Variants in RB1 observed in about 807,000 individuals in gnomAD.
RB1 encodes retinoblastoma-associated protein.
Under a neutral mutation model 135.4 loss-of-function variants are expected in RB1, and 18 were observed. The observed-to-expected ratio is 0.13, with a 90% CI of 0.09 to 0.20. RB1 has a LOEUF of 0.20. Ranked by LOEUF, RB1 falls within the 10% of genes least tolerant of loss-of-function variation. The pLI is 1.00. For synonymous variants in RB1, 365 were observed against 373.2 expected, an observed-to-expected ratio of 0.98 and a Z score of 0.25; for missense variants, 868 against 1,110.0, an observed-to-expected ratio of 0.78 and a Z score of 3.10.
At chr13:48,436,557 C>T (rs990986000) in intron 17 of RB1, among the ~76,000 whole-genome samples, 4 of 151,984 alleles carry the variant, frequency 2.6e-5, no homozygotes, top group Non-Finnish European at 1.5e-5. Context: ...GCAGGAGAAT[C>T]GCTTGAACCC....
At chr13:48,396,573 G>A (rs1345482351) in intron 17 of RB1, among the ~76,000 whole-genome samples, 4 of 152,142 alleles carry the variant, frequency 2.6e-5, no homozygotes, top group Non-Finnish European at 5.9e-5. Flanking sequence ...ATACCATTCA[G>A]GACATAGGCA....
chr13:48,419,645 C>A (rs1364129529), intron 17 of RB1, among the ~76,000 whole-genome samples: 2 of 151,748 alleles, frequency 1.3e-5, no homozygotes, highest in Non-Finnish European at 2.9e-5. Flanking sequence ...ACTAGCCAGG[C>A]TAATAAAGAA....
rs532608118 is a variant in RB1 at position 48,412,801 on chromosome 13, T to C, written c.1695+31358T>C. 4.9e-5 allele frequency: 13 copies of C among 263,016 alleles called. No homozygotes were observed. In the East Asian group the frequency reaches 1.4e-3, roughly 28 times the overall value. The allele number at this position is 263,016 out of a possible 1,614,324, so 16.3% of individuals were successfully genotyped here. On this transcript the variant is annotated intron_variant, in intron 17 of 26. Transcript: ENST00000267163. ...TGAAACCACTTGTCTTCTAAACTTG[T>C]ATTTCAGTAGTCAAGATGAATACTC...
intron 17 of RB1, among the ~76,000 whole-genome samples, chr13:48,389,405 G>A (rs1948595164): frequency 6.6e-6 from 1 of 152,008 alleles, no homozygotes; most frequent in Admixed American, 6.6e-5. Context: ...TTTATCAAAA[G>A]TTTTGCCTGT....
At position 48,481,464 on chromosome 13, in the gene RB1, T is replaced by C. The variant is rs1274878430; in HGVS notation, c.*1393T>C. The C allele has an allele frequency of 4.3e-6, 1 of 231,014 alleles. No individual in the cohort carries two copies. The highest frequency in any genetic ancestry group is 8.6e-6 in the Non-Finnish European group (1 of 116,752). 14.3% of individuals were successfully genotyped at this position (231,014 alleles called of 1,614,324 possible). A position where few individuals can be genotyped will look rare whatever the true frequency, so the allele number is the denominator to read the frequency against. On this transcript the variant is annotated 3_prime_UTR_variant, in exon 27 of 27. Transcript: ENST00000267163. ...TAGCTTCAGCTAGCTTTTAGGAAAATCACTTTGTCTAACTCAGAATTATTT... is the reference window on the plus strand; with the variant it reads ...TAGCTTCAGCTAGCTTTTAGGAAAACCACTTTGTCTAACTCAGAATTATTT...
chr13:48,465,235 C>T lies in RB1; in HGVS notation c.2356C>T (p.Pro786Ser), dbSNP rs754507551. 2.5e-4 allele frequency: 399 copies of T among 1,613,760 alleles called. No homozygotes were observed. Among genetic ancestry groups the T allele is most frequent in the Non-Finnish European group, 3.3e-4 (388 of 1,179,890 alleles). Residue 786 changes from proline to serine, a missense_variant, in exon 23 of 27, where the codon CCT (proline) becomes TCT (serine). This residue lies in a region of RB1 where 196 missense variants were observed against 239.8 expected (regional missense o/e 0.82). Coordinates refer to ENST00000267163, the MANE Select transcript of RB1 (RefSeq NM_000321.3). ...PPTLSPIPHI[P>S]RSPYKFPSSP... ...TACCTTGTCACCAATACCTCACATTCCTCGAAGCCCTTACAAGTTTCCTAG... is the reference window on the plus strand; with the variant it reads ...TACCTTGTCACCAATACCTCACATTTCTCGAAGCCCTTACAAGTTTCCTAG...
At chr13:48,356,684 T>G (rs756413979) in intron 6 of RB1, among the ~76,000 whole-genome samples, 3 of 152,082 alleles carry the variant, frequency 2.0e-5, no homozygotes, top group Non-Finnish European at 4.4e-5. Context: ...ATTTGGTTAG[T>G]CTCAGTTCTG....
In RB1 at chr13:48,373,394, A is replaced by G. The variant is rs769899597; in HGVS notation, c.1128-11A>G. 3 of 1,516,272 alleles carry G rather than the reference A, an allele frequency of 2.0e-6. No homozygotes were observed. The highest frequency in any genetic ancestry group is 1.4e-5 in the African/African-American group (1 of 72,816). 93.9% of individuals were successfully genotyped at this position (1,516,272 alleles called of 1,614,324 possible). A position where few individuals can be genotyped will look rare whatever the true frequency, so the allele number is the denominator to read the frequency against. ...TTGCTTAACACATTTTCCTATTTTT[A>G]TCCCCTCTAGGACTGTTATGAACAC... is the stretch of plus-strand genomic sequence containing the variant. On this transcript the variant is annotated splice_polypyrimidine_tract_variant and intron_variant, in intron 11 of 26. Transcript: ENST00000267163.
intron 17 of RB1, among the ~76,000 whole-genome samples, chr13:48,399,135 A>T (rs9568038): frequency 2.6e-5 from 4 of 152,026 alleles, no homozygotes; most frequent in African/African-American, 9.7e-5. Context: ...AGGTATTTGG[A>T]TCAACTTTCA....
Position 48,372,829 on chromosome 13 carries a change from G to A in RB1, c.1128-576G>A, listed in dbSNP as rs547418179. Among the ~76,000 whole-genome samples, 7 of 152,158 alleles carry A rather than the reference G, an allele frequency of 4.6e-5. No homozygotes were observed. In the East Asian group the frequency reaches 1.2e-3, roughly 25 times the overall value. On this transcript the variant is annotated intron_variant, in intron 11 of 26. Transcript: ENST00000267163. ...CCAAATGTTCAGCTACTCCAAAATT[G>A]TAACATTGATATTTACCATATACTG...
chr13:48,323,191 C>A (rs949062890), intron 2 of RB1, among the ~76,000 whole-genome samples: 1 of 151,972 alleles, frequency 6.6e-6, no homozygotes, highest in Non-Finnish European at 1.5e-5. Flanking sequence ...CTAATTCAGT[C>A]ATTTTACTTG....
At chr13:48,375,701 C>T (rs949292684) in intron 12 of RB1, among the ~76,000 whole-genome samples, 1 of 151,878 alleles carries the variant, frequency 6.6e-6, no homozygotes, top group Non-Finnish European at 1.5e-5. Context: ...GACTCAGCCT[C>T]CCAAGTAGCT....
intron 6 of RB1, among the ~76,000 whole-genome samples, chr13:48,358,565 C>T (rs1157221896): frequency 6.6e-6 from 1 of 152,112 alleles, no homozygotes; most frequent in Non-Finnish European, 1.5e-5. Context: ...CAGAACACTT[C>T]TAGTGGCAGT....
rs150806234 is a variant in RB1 at position 48,347,510 on chromosome 13, T to C, written c.501-315T>C. 2.3e-3 allele frequency among the ~76,000 whole-genome samples: 345 copies of C among 152,218 alleles called. 4 individuals carry two copies. Among genetic ancestry groups the C allele is most frequent in the East Asian group, 0.017 (87 of 5,184 alleles). On this transcript the variant is annotated intron_variant, in intron 4 of 26. Coordinates refer to ENST00000267163, the MANE Select transcript of RB1 (RefSeq NM_000321.3). ...AGGACTTTGTAAAAGGGATTTAAAA[T>C]TTTTATTGACAAATCATATGAGATA... is the stretch of plus-strand genomic sequence containing the variant.
chr13:48,403,063 T>C (rs1334287456), intron 17 of RB1, among the ~76,000 whole-genome samples: 1 of 152,074 alleles, frequency 6.6e-6, no homozygotes, highest in Non-Finnish European at 1.5e-5. Flanking sequence ...ATTGGTAAAA[T>C]TAGTTGGAAA....
At chr13:48,359,585 AATATT>A (rs1952620942) in intron 6 of RB1, among the ~76,000 whole-genome samples, 2 of 147,722 alleles carry the variant, frequency 1.4e-5, no homozygotes, top group Admixed American at 6.8e-5. Flanking sequence ...ATTATAATAA[AATATT>A]ATACAAATAT....
At chr13:48,386,655 A>G (rs867865832) in intron 17 of RB1, among the ~76,000 whole-genome samples, 1 of 152,222 alleles carries the variant, frequency 6.6e-6, no homozygotes, top group Non-Finnish European at 1.5e-5. Flanking sequence ...AAGGTTGCCA[A>G]TGATAAATTT....
intron 12 of RB1, among the ~76,000 whole-genome samples, chr13:48,374,109 C>G (rs1315043133): frequency 2.0e-5 from 3 of 152,086 alleles, no homozygotes; most frequent in African/African-American, 7.2e-5. Context: ...CCCCATACCC[C>G]TACAATCTTT....
At chr13:48,314,779 C>A (rs1242713664) in intron 2 of RB1, among the ~76,000 whole-genome samples, 37 of 144,958 alleles carry the variant, frequency 2.6e-4, no homozygotes, top group East Asian at 2.0e-4. Context: ...CCAGCCTGGG[C>A]AAAAAAAAAA....
Sources: allele counts gnomAD v4.1 joint callset (sites outside exome capture counted in the v4.1 genomes callset), GRCh38; gene constraint gnomAD v4.1.1; regional missense constraint gnomAD v4.1.1; transcripts MANE v1.5; gene names NCBI Gene and HGNC (gene_info 2026-07-23, HGNC 2026-07-21).